GREB1L: variants seen among roughly 807,000 people sequenced by gnomAD.
GREB1L encodes GREB1 like retinoic acid receptor coactivator, also known as GREB1-like protein.
GREB1L carries 17 observed loss-of-function variants against 200.8 expected under a neutral mutation model. The observed-to-expected ratio is 0.08, with a 90% CI of 0.06 to 0.13. GREB1L has a LOEUF of 0.13. Among genes scored for constraint, GREB1L ranks in the 10% least tolerant of loss-of-function variants. The probability of loss-of-function intolerance (pLI) is 1.00; values close to 1 mark genes in which losing one functional copy is unlikely to be tolerated. For missense variants in GREB1L, 1,657 were observed against 2,367.7 expected (o/e 0.70, Z 6.23); for synonymous variants, 789 against 893.0 (o/e 0.88, Z 2.08).
intron 17 of GREB1L, among the ~76,000 whole-genome samples, chr18:21,477,710 C>T (rs755683113): frequency 1.3e-4 from 19 of 150,990 alleles, no homozygotes; most frequent in Non-Finnish European, 2.1e-4. Context: ...CACTTAAACC[C>T]GGGAGGCGGA....
intron 15 of GREB1L, among the ~76,000 whole-genome samples, chr18:21,456,062 C>T (rs1345235479): frequency 6.6e-6 from 1 of 152,012 alleles, no homozygotes; most frequent in African/African-American, 2.4e-5. Flanking sequence ...TGCACCACCA[C>T]TCCCAGCCAA....
intron 1 of GREB1L, among the ~76,000 whole-genome samples, chr18:21,359,732 A>G (rs1245152853): frequency 6.6e-6 from 1 of 152,252 alleles, no homozygotes. Flanking sequence ...CACTGAATAA[A>G]TACTTAATGA....
rs748786313 is a variant in GREB1L at position 21,466,258 on chromosome 18, CAT to C, written c.2183-6769_2183-6768del. On this transcript the variant is annotated intron_variant, in intron 15 of 32. Transcript: ENST00000424526. ...GATTCCTTCAAACAGTGCTGGTACA[CAT>C]ATAAGAGTTTCTCTGGGAATAGAAT... Among the ~76,000 whole-genome samples, 6 of 152,176 alleles carry C rather than the reference CAT, an allele frequency of 3.9e-5. No homozygotes were observed. The East Asian group carries it at 7.7e-4, about 20-fold the overall frequency.
intron 12 of GREB1L, chr18:21,450,721 C>T (rs1358500995): frequency 4.6e-6 from 1 of 218,392 alleles, no homozygotes; most frequent in Non-Finnish European, 9.1e-6. Context: ...CTCACAGCCC[C>T]TGGCGGGGAC....
intron 4 of GREB1L, among the ~76,000 whole-genome samples, chr18:21,390,515 A>AGTTT (rs541338585): frequency 2.0e-4 from 31 of 152,146 alleles, no homozygotes; most frequent in African/African-American, 6.5e-4. Flanking sequence ...TTAACAAAAA[A>AGTTT]GTTTGTTTGT....
intron 24 of GREB1L, 117 bp downstream of exon 24, chr18:21,505,684 C>T: frequency 7.1e-7 from 1 of 1,417,854 alleles, no homozygotes; most frequent in Non-Finnish European, 9.5e-7. Flanking sequence ...ATTTTCATAA[C>T]TGTTTCTTAG....
chr18:21,518,380 TA>T (rs2037497373), intron 31 of GREB1L, 146 bp downstream of exon 31: 1 of 748,510 alleles, frequency 1.3e-6, no homozygotes, highest in Non-Finnish European at 2.1e-6. Flanking sequence ...TTAAAGATAG[TA>T]ATACAGATCA....
At chr18:21,492,892 A>G (rs1477043494) in intron 19 of GREB1L, among the ~76,000 whole-genome samples, 3 of 152,146 alleles carry the variant, frequency 2.0e-5, no homozygotes, top group Non-Finnish European at 4.4e-5. Flanking sequence ...TTGAGGCTGC[A>G]GTGAGCTATG....
intron 15 of GREB1L, among the ~76,000 whole-genome samples, chr18:21,463,795 C>T (rs905786504): frequency 1.1e-4 from 16 of 152,152 alleles, no homozygotes; most frequent in Non-Finnish European, 2.2e-4. Flanking sequence ...GTCTCAAACT[C>T]GTATCTGTGA....
rs1715064077 is a variant in GREB1L, at chr18:21,515,474, G to A, written c.4959G>A (p.Gln1653=). The A allele has an allele frequency of 3.2e-6, 5 of 1,551,694 alleles. No homozygotes were observed. The highest frequency in any genetic ancestry group is 4.4e-6 in the Non-Finnish European group (5 of 1,146,994). The stretch of plus-strand genomic sequence containing the variant: ...ATGTGTCCTTGAAGACTGTCTTGCA[G>A]CACATTGAAGCCACACCAAAAATTG... ...SKNVSLKTVL[Q]HIEATPKIVH... The change falls in exon 29 of 33, where the codon CAG becomes CAA. Residue 1653 remains glutamine, a synonymous_variant. Coordinates refer to ENST00000424526, the MANE Select transcript of GREB1L (RefSeq NM_001142966.3).
chr18:21,451,145 T>A lies in GREB1L; in HGVS notation c.1843T>A (p.Ser615Thr). The part of the protein sequence containing the change: ...SFLASHFKTT[S>T]LGDDLDKLLE... Reference sequence around the variant, plus strand: ...CCTGGCATCACATTTCAAAACCACATCATTAGGTGAGTGGTTGTAAGATTT... The same window carrying A: ...CCTGGCATCACATTTCAAAACCACAACATTAGGTGAGTGGTTGTAAGATTT... The change falls in exon 13 of 33, where the codon TCA becomes ACA. Residue 615 changes from serine to threonine, a missense_variant. Physicochemically the swap from Ser to Thr is moderately conservative, Grantham distance 58. Coordinates refer to ENST00000424526, the MANE Select transcript of GREB1L (RefSeq NM_001142966.3). 1 of 1,551,570 alleles carries A rather than the reference T, an allele frequency of 6.4e-7. No individual in the cohort carries two copies.
rs1165007112 is a variant in GREB1L at position 21,395,452 on chromosome 18, A to G, written c.423A>G (p.Ala141=). The G allele has an allele frequency of 1.3e-6, 2 of 1,551,352 alleles. No homozygotes were observed. The highest frequency in any genetic ancestry group is 4.9e-5 in the East Asian group (2 of 40,880). Residue 141 remains alanine (A), a synonymous_variant, in exon 5 of 33, where the codon GCA becomes GCG. Coordinates refer to ENST00000424526, the MANE Select transcript of GREB1L (RefSeq NM_001142966.3). ...GTATGGAACAAATTGACATCCCAGC[A>G]GGATTCCTCCTGGTGGGGGCCAAGT... ...SLCMEQIDIP[A]GFLLVGAKSP...
At chr18:21,448,172 AAGCAGC>A (rs1327088146) in intron 11 of GREB1L, among the ~76,000 whole-genome samples, 1 of 151,090 alleles carries the variant, frequency 6.6e-6, no homozygotes, top group African/African-American at 2.4e-5. Flanking sequence ...AAAAAAAAAA[AAGCAGC>A]AGCAGCAGCA....
intron 19 of GREB1L, among the ~76,000 whole-genome samples, chr18:21,491,595 C>T (rs985512722): frequency 6.6e-6 from 1 of 151,756 alleles, no homozygotes; most frequent in South Asian, 2.1e-4. Flanking sequence ...TGCCTGTATT[C>T]CCAGCTACTC....
At chr18:21,312,126 C>T (rs1226020238) in intron 1 of GREB1L, among the ~76,000 whole-genome samples, 2 of 152,140 alleles carry the variant, frequency 1.3e-5, no homozygotes, top group Middle Eastern at 3.2e-3. Flanking sequence ...GCCTCCAGCT[C>T]CATCCATGTC....
chr18:21,373,647 A>AT (rs2039965896), intron 2 of GREB1L, among the ~76,000 whole-genome samples: 1 of 152,098 alleles, frequency 6.6e-6, no homozygotes, highest in African/African-American at 2.4e-5. Flanking sequence ...CTTTTTGAAC[A>AT]TTTTTTAGCT....
At chr18:21,268,852 G>T (rs2038034155) in intron 1 of GREB1L, among the ~76,000 whole-genome samples, 1 of 151,648 alleles carries the variant, frequency 6.6e-6, no homozygotes, top group Admixed American at 6.6e-5. Context: ...CCAAAGTGCT[G>T]GGATTACAGG....
chr18:21,455,137 A>C (rs2034698149), intron 15 of GREB1L: 1 of 153,256 alleles, frequency 6.5e-6, no homozygotes, highest in Non-Finnish European at 1.5e-5. Flanking sequence ...GTCTAAAAAA[A>C]AAAAATGTTA....
At chr18:21,278,400 A>AT (rs1491352239) in intron 1 of GREB1L, among the ~76,000 whole-genome samples, 47 of 137,834 alleles carry the variant, frequency 3.4e-4, no homozygotes, top group Non-Finnish European at 6.7e-4. Context: ...AAATAAATAA[A>AT]TAAATAAATA....
Sources: gnomAD v4.1 joint callset for allele counts (sites outside exome capture counted in the v4.1 genomes callset) on GRCh38, gnomAD v4.1.1 for gene constraint, MANE v1.5 for transcripts, NCBI Gene and HGNC (gene_info 2026-07-23, HGNC 2026-07-21) for gene names.